The following DLC1 variants were observed in gnomAD, a reference collection of about 807,000 sequenced individuals.
DLC1 encodes DLC1 Rho GTPase activating protein.
A neutral mutation model predicts 140.3 loss-of-function variants in DLC1; 54 were observed. The observed-to-expected ratio is 0.38, with a 90% CI of 0.31 to 0.48. The LOEUF (loss-of-function observed/expected upper bound fraction) is 0.48. Among genes scored for constraint, DLC1 ranks in the 20% least tolerant of loss-of-function variants. The probability of loss-of-function intolerance (pLI) is 0.96; values close to 1 mark genes in which losing one functional copy is unlikely to be tolerated. For missense variants in DLC1, 2,536 were observed against 1,907.0 expected (o/e 1.33, Z -6.14); for synonymous variants, 986 against 728.1 (o/e 1.35, Z -5.70).
intron 5 of DLC1, among the ~76,000 whole-genome samples, chr8:13,269,244 T>C (rs981123657): frequency 1.3e-5 from 2 of 152,096 alleles, no homozygotes; most frequent in African/African-American, 4.8e-5. Context: ...AGTACTATAG[T>C]CGTGAGTTTG....
chr8:13,543,657 A>G (rs973589188), intron 1 of DLC1, among the ~76,000 whole-genome samples: 1 of 152,170 alleles, frequency 6.6e-6, no homozygotes, highest in Non-Finnish European at 1.5e-5. Flanking sequence ...AATATTACTC[A>G]CTCATAAAAA....
At chr8:13,114,231 A>G (rs1820353394) in intron 6 of DLC1, among the ~76,000 whole-genome samples, 1 of 152,166 alleles carries the variant, frequency 6.6e-6, no homozygotes, top group Admixed American at 6.5e-5. Flanking sequence ...GCATGGTGGC[A>G]CATGCCCATA....
At chr8:13,173,954 T>TG (rs1825628966) in intron 5 of DLC1, among the ~76,000 whole-genome samples, 2 of 152,182 alleles carry the variant, frequency 1.3e-5, no homozygotes, top group Non-Finnish European at 2.9e-5. Context: ...ATGAACGATC[T>TG]CATCACCCAG....
At chr8:13,504,424 C>T (rs758933273) in intron 1 of DLC1, among the ~76,000 whole-genome samples, 7 of 152,166 alleles carry the variant, frequency 4.6e-5, no homozygotes, top group Admixed American at 1.3e-4. Flanking sequence ...CGCGCCCGGC[C>T]TTCAGAGAAC....
chr8:13,455,961 C>T (rs1799366919), intron 2 of DLC1, among the ~76,000 whole-genome samples: 1 of 152,084 alleles, frequency 6.6e-6, no homozygotes, highest in African/African-American at 2.4e-5. Flanking sequence ...TCTGAAAGCC[C>T]CAAATTTGTG....
intron 2 of DLC1, among the ~76,000 whole-genome samples, chr8:13,456,247 C>T (rs1799385188): frequency 6.6e-6 from 1 of 152,154 alleles, no homozygotes; most frequent in South Asian, 2.1e-4. Flanking sequence ...TATGATTTCT[C>T]TGTATTCTGC....
chr8:13,269,270 A>C (rs1048931298), intron 5 of DLC1, among the ~76,000 whole-genome samples: 13 of 152,166 alleles, frequency 8.5e-5, no homozygotes, highest in African/African-American at 2.9e-4. Flanking sequence ...TATGGGGCTG[A>C]ATAACTGTTG....
At chr8:13,579,046 C>A (rs1048420487) in intron 1 of DLC1, among the ~76,000 whole-genome samples, 10 of 151,350 alleles carry the variant, frequency 6.6e-5, no homozygotes, top group Non-Finnish European at 1.5e-4. Flanking sequence ...TGCACTAGAA[C>A]AAAAGAGACT....
intron 1 of DLC1, among the ~76,000 whole-genome samples, chr8:13,549,097 A>T (rs1366069974): frequency 6.6e-6 from 1 of 152,086 alleles, no homozygotes; most frequent in Non-Finnish European, 1.5e-5. Context: ...CCACCTACAG[A>T]TGACTTATTT....
intron 2 of DLC1, among the ~76,000 whole-genome samples, chr8:13,411,602 G>A (rs2117298976): frequency 6.6e-6 from 1 of 152,248 alleles, no homozygotes; most frequent in South Asian, 2.1e-4. Flanking sequence ...TACTACTTTG[G>A]TGCTGGATGT....
chr8:13,318,712 T>C (rs2116892854), intron 4 of DLC1, among the ~76,000 whole-genome samples: 1 of 152,362 alleles, frequency 6.6e-6, no homozygotes, highest in South Asian at 2.1e-4. Context: ...TTGAGATGCC[T>C]AATGATTAAT....
chr8:13,443,316 C>A (rs1485156952), intron 2 of DLC1, among the ~76,000 whole-genome samples: 1 of 145,546 alleles, frequency 6.9e-6, no homozygotes, highest in Non-Finnish European at 1.5e-5. Flanking sequence ...AACTAACCTG[C>A]ACTTTGTGCA....
At chr8:13,601,957 T>A (rs562894940) in intron 1 of DLC1, among the ~76,000 whole-genome samples, 2 of 151,904 alleles carry the variant, frequency 1.3e-5, no homozygotes, top group South Asian at 4.1e-4. Flanking sequence ...CATTTCCAAT[T>A]AAAATATATG....
At chr8:13,175,718 C>G (rs539507340) in intron 5 of DLC1, among the ~76,000 whole-genome samples, 73 of 152,098 alleles carry the variant, frequency 4.8e-4, no homozygotes, top group Non-Finnish European at 1.0e-3. Flanking sequence ...CCAAATTTTG[C>G]ATGTTCTTCT....
Position 13,099,712 on chromosome 8 carries a change from G to T in DLC1, c.2625C>A (p.Arg875=), listed in dbSNP as rs150030670. 1.2e-6 allele frequency: 2 copies of T among 1,614,052 alleles called. No individual in the cohort carries two copies. Among genetic ancestry groups the T allele is most frequent in the African/African-American group, 2.7e-5 (2 of 74,932 alleles). Residue 875 remains arginine, a synonymous_variant, in exon 9 of 18, where the codon CGC becomes CGA. Transcript: ENST00000276297. The part of the protein sequence containing the change: ...RRNSSSSMSS[R]LSIYDNVPGS... ...CCGGCACGTTGTCGTAGATGCTCAG[G>T]CGGCTGCTCATGGAGCTGGAAGAAT...
chr8:13,452,760 G>A (rs781551395), intron 2 of DLC1, among the ~76,000 whole-genome samples: 1 of 152,086 alleles, frequency 6.6e-6, no homozygotes, highest in Non-Finnish European at 1.5e-5. Context: ...GAAATTTTTA[G>A]TTTCAGGGTT....
At chr8:13,428,110 C>T (rs892850416) in intron 2 of DLC1, among the ~76,000 whole-genome samples, 1 of 152,092 alleles carries the variant, frequency 6.6e-6, no homozygotes, top group Non-Finnish European at 1.5e-5. Flanking sequence ...TAATCTCAGT[C>T]TTTCCAGGCT....
intron 5 of DLC1, among the ~76,000 whole-genome samples, chr8:13,303,647 C>T (rs1458361162): frequency 6.6e-6 from 1 of 152,032 alleles, no homozygotes; most frequent in African/African-American, 2.4e-5. Context: ...ACTAAAAATA[C>T]GAAAGTTAGC....
At chr8:13,306,542 TTGTG>T (rs71747968) in intron 4 of DLC1, among the ~76,000 whole-genome samples, 5 of 145,224 alleles carry the variant, frequency 3.4e-5, no homozygotes, top group Non-Finnish European at 7.6e-5. Flanking sequence ...AAATGGGTAT[TTGTG>T]TGTGTGTGTG....
Sources: gnomAD v4.1 joint callset for allele counts (sites outside exome capture counted in the v4.1 genomes callset) on GRCh38, gnomAD v4.1.1 for gene constraint, MANE v1.5 for transcripts, NCBI Gene and HGNC (gene_info 2026-07-23, HGNC 2026-07-21) for gene names.